The following CHRNA3 variants were observed in gnomAD, a reference collection of about 807,000 sequenced individuals.
The protein encoded by CHRNA3 is cholinergic receptor nicotinic alpha 3 subunit.
In CHRNA3, 34 loss-of-function variants were observed where a neutral mutation model predicts 41.9. The observed-to-expected ratio is 0.81, with a 90% CI of 0.62 to 1.08. The LOEUF (loss-of-function observed/expected upper bound fraction) is 1.08, where lower values mean the gene tolerates loss of function less well. Among genes scored for constraint, CHRNA3 ranks in the 50% least tolerant of loss-of-function variants. The pLI is 0.00. For missense variants in CHRNA3, 542 were observed against 638.3 expected (o/e 0.85, Z 1.63); for synonymous variants, 281 against 265.2 (o/e 1.06, Z -0.58).
chr15:78,611,871 G>C (rs999403997), intron 4 of CHRNA3, among the ~76,000 whole-genome samples: 2 of 152,056 alleles, frequency 1.3e-5, no homozygotes, highest in African/African-American at 2.4e-5. Flanking sequence ...CTTCAGCAAA[G>C]TCTCAGGATA....
At chr15:78,595,300 A>G, downstream of CHRNA3, 1 of 985,396 alleles carries the variant, frequency 1.0e-6, no homozygotes, top group Non-Finnish European at 1.2e-6. Flanking sequence ...AACATGAGTC[A>G]CAGCGGGCTG....
rs193106897 is a variant in CHRNA3 at position 78,598,951 on chromosome 15, A to T, written c.1390-2219T>A. ...CGAGTTCAAGCAATTCTTGTGCCTC[A>T]GACTCCCGAGTAGCTAAGATTACAG... On this transcript the variant is annotated intron_variant, in intron 5 of 5. Coordinates refer to ENST00000326828, the MANE Select transcript of CHRNA3 (RefSeq NM_000743.5). 3.5e-3 allele frequency among the ~76,000 whole-genome samples: 527 copies of T among 150,872 alleles called. 2 individuals carry two copies. The highest frequency in any genetic ancestry group is 0.01 in the Middle Eastern group (3 of 292).
At chr15:78,598,374 G>A (rs559744078) in intron 5 of CHRNA3, among the ~76,000 whole-genome samples, 1 of 152,084 alleles carries the variant, frequency 6.6e-6, no homozygotes, top group Non-Finnish European at 1.5e-5. Flanking sequence ...TGCAAAAAGA[G>A]CTGGCTGGAC....
rs1254591876 is a variant in CHRNA3, at chr15:78,595,380, A to ATCTG, written c.*1220_*1223dup. The ATCTG allele has an allele frequency of 5.1e-6, 5 of 983,776 alleles. No homozygotes were observed. In the African/African-American group the frequency reaches 8.8e-5, roughly 17 times the overall value. The allele number at this position is 983,776 out of a possible 1,614,324, so 60.9% of individuals were successfully genotyped here. ...AAGATTCAAACAGTCTCTGTGAATC[A>ATCTG]TCTGTCAGTGGTGATGATCACGTTA... is the stretch of plus-strand genomic sequence containing the variant. On this transcript the variant is annotated 3_prime_UTR_variant, in exon 6 of 6. Coordinates refer to ENST00000326828, the MANE Select transcript of CHRNA3 (RefSeq NM_000743.5).
At chr15:78,611,974 A>G (rs2053386784) in intron 4 of CHRNA3, among the ~76,000 whole-genome samples, 1 of 152,320 alleles carries the variant, frequency 6.6e-6, no homozygotes, top group Middle Eastern at 3.4e-3. Context: ...CAATTGCTTC[A>G]AAGAGAATAA....
chr15:78,610,373 G>A (rs2053363371), intron 4 of CHRNA3, among the ~76,000 whole-genome samples: 1 of 152,148 alleles, frequency 6.6e-6, no homozygotes, highest in African/African-American at 2.4e-5. Flanking sequence ...GTAACAAACT[G>A]TCTCTCAGAC....
intron 5 of CHRNA3, 123 bp from the exon 6 acceptor site, chr15:78,596,855 G>C (rs2141319522): frequency 7.3e-7 from 1 of 1,373,154 alleles, no homozygotes; most frequent in East Asian, 2.6e-5. Flanking sequence ...TATGTAAGAA[G>C]CCCTTTTTTT....
Position 78,596,719 on chromosome 15 carries a change from C to T in CHRNA3, c.1403G>A (p.Trp468Ter), listed in dbSNP as rs1455388077. Residue 468 changes from tryptophan to a stop codon, truncating the protein, a stop_gained, in exon 6 of 6, where the codon TGG becomes TAG. Coordinates refer to ENST00000326828, the MANE Select transcript of CHRNA3 (RefSeq NM_000743.5). LOFTEE classifies it high-confidence loss of function. ...ATCAATCACCATGGCAACATACTTC[C>T]AATCATCTTGAATCTGCAAAACAAA... Reference protein sequence around the residue: ...QNEAKEIQDDWKYVAMVIDRI... With the variant: ...QNEAKEIQDD 1 of 1,606,094 alleles carries T rather than the reference C, an allele frequency of 6.2e-7. No individual in the cohort carries two copies. The highest frequency in any genetic ancestry group is 8.5e-7 in the Non-Finnish European group (1 of 1,178,140).
In CHRNA3 at chr15:78,617,144, G is replaced by A. The variant is rs1489924677; in HGVS notation, c.268-11C>T. ...GTAGTCATTCCAGATCTCGGGGAAG[G>A]AAGCAGGGAGGGAGAAGGAGACGGT... On this transcript the variant is annotated splice_polypyrimidine_tract_variant and intron_variant, in intron 3 of 5. Coordinates refer to ENST00000326828, the MANE Select transcript of CHRNA3 (RefSeq NM_000743.5). 6.4e-7 allele frequency: 1 copy of A among 1,560,992 alleles called. No homozygotes were observed. The highest frequency in any genetic ancestry group is 1.4e-5 in the African/African-American group (1 of 73,828).
In CHRNA3 at chr15:78,596,018, C is replaced by T. The variant is rs2053102202; in HGVS notation, c.*586G>A. 3 of 950,708 alleles carry T rather than the reference C, an allele frequency of 3.2e-6. No homozygotes were observed. Among genetic ancestry groups the T allele is most frequent in the Non-Finnish European group, 3.8e-6 (3 of 798,774 alleles). The allele number at this position is 950,708 out of a possible 1,614,324, so 58.9% of individuals were successfully genotyped here. A position where few individuals can be genotyped will look rare whatever the true frequency, so the allele number is the denominator to read the frequency against. ...CCACCCAGTTTATGGTGTACTAAGA[C>T]AGTTATATTAACAATGAATAACTAG... is the stretch of plus-strand genomic sequence containing the variant. On this transcript the variant is annotated 3_prime_UTR_variant, in exon 6 of 6. Coordinates refer to ENST00000326828, the MANE Select transcript of CHRNA3 (RefSeq NM_000743.5).
In CHRNA3 at chr15:78,620,837, G is replaced by A. The variant is rs952498759; in HGVS notation, c.-43C>T. ...GCCGCGGACCCGGACGGTCGGGAGC[G>A]GGCGCGGCGGTCGCAGAGACGGCCT... On this transcript the variant is annotated 5_prime_UTR_variant, in exon 1 of 6. Transcript: ENST00000326828. The A allele has an allele frequency of 9.7e-6, 13 of 1,333,962 alleles. No homozygotes were observed. Among genetic ancestry groups the A allele is most frequent in the South Asian group, 2.0e-5 (1 of 49,464 alleles). 82.6% of individuals were successfully genotyped at this position (1,333,962 alleles called of 1,614,324 possible). A position where few individuals can be genotyped will look rare whatever the true frequency, so the allele number is the denominator to read the frequency against.
intron 4 of CHRNA3, among the ~76,000 whole-genome samples, chr15:78,605,268 G>A (rs1162009431): frequency 6.6e-6 from 1 of 152,080 alleles, no homozygotes; most frequent in Non-Finnish European, 1.5e-5. Context: ...CAGAAAAATA[G>A]GGCAACTAGG....
At chr15:78,608,630 A>G (rs2053335203) in intron 4 of CHRNA3, among the ~76,000 whole-genome samples, 2 of 152,156 alleles carry the variant, frequency 1.3e-5, no homozygotes, top group Admixed American at 6.5e-5. Context: ...AAAGATGGGG[A>G]AAAAACAGAG....
intron 5 of CHRNA3, 132 bp downstream of exon 5, chr15:78,601,121 C>G: frequency 1.3e-6 from 1 of 785,490 alleles, no homozygotes; most frequent in Non-Finnish European, 2.1e-6. Context: ...GGACATATAA[C>G]TGGTCTTAAC....
At position 78,618,601 on chromosome 15, in the gene CHRNA3, G is replaced by A. The variant is rs1422255461; in HGVS notation, c.267+16C>T. 2 of 1,613,976 alleles carry A rather than the reference G, an allele frequency of 1.2e-6. No homozygotes were observed. Among genetic ancestry groups the A allele is most frequent in the South Asian group, 1.1e-5 (1 of 91,058 alleles). On this transcript the variant is annotated intron_variant, in intron 3 of 5. Transcript: ENST00000326828. The stretch of plus-strand genomic sequence containing the variant: ...CACCACCAGGGGGCAGCAGTGCCTA[G>A]GGTCTGGTCACTTACTTGCTTGAGC...
intron 4 of CHRNA3, among the ~76,000 whole-genome samples, chr15:78,611,196 AG>A (rs1245195453): frequency 1.3e-5 from 2 of 152,252 alleles, no homozygotes; most frequent in Admixed American, 1.3e-4. Flanking sequence ...ATAGAAAAAG[AG>A]GGAATCCTCC....
chr15:78,610,282 GCAC>G (rs1314872478), intron 4 of CHRNA3, among the ~76,000 whole-genome samples: 1 of 152,042 alleles, frequency 6.6e-6, no homozygotes, highest in African/African-American at 2.4e-5. Flanking sequence ...ATTTTTTTCA[GCAC>G]CACACCACAC....
intron 1 of CHRNA3, 31 bp downstream of exon 1, chr15:78,620,668 TCTCGGGCGCCCGTC>T: frequency 6.7e-7 from 1 of 1,496,352 alleles, no homozygotes; most frequent in East Asian, 2.8e-5. Context: ...CCGCGCCCCT[TCTCGGGCGCCCGTC>T]CCTCCGGAGC....
chr15:78,593,095 G>A (rs748912077), downstream of CHRNA3: 2 of 1,604,604 alleles, frequency 1.2e-6, no homozygotes, highest in Non-Finnish European at 1.7e-6. Flanking sequence ...CTAACAGGTT[G>A]TTGAAGATTG....
Sources: allele counts gnomAD v4.1 joint callset (sites outside exome capture counted in the v4.1 genomes callset), GRCh38; gene constraint gnomAD v4.1.1; transcripts MANE v1.5; gene names NCBI Gene and HGNC (gene_info 2026-07-23, HGNC 2026-07-21).